RAB10: variants seen among roughly 807,000 people sequenced by gnomAD.
RAB10 encodes the protein ras-related protein Rab-10.
In RAB10, 5 loss-of-function variants were observed where a neutral mutation model predicts 25.7. The observed-to-expected ratio is 0.19, with a 90% CI of 0.10 to 0.41. RAB10 has a LOEUF of 0.41. RAB10 is among the 10% of genes least tolerant of loss of function. The probability of loss-of-function intolerance (pLI) is 1.00; values close to 1 mark genes in which losing one functional copy is unlikely to be tolerated. For missense variants in RAB10, 103 were observed against 245.8 expected (o/e 0.42, Z 3.89); for synonymous variants, 89 against 86.4 (o/e 1.03, Z -0.16).
intron 2 of RAB10, chr2:26,101,872 C>T (rs1385724733): frequency 6.6e-6 from 1 of 152,288 alleles, no homozygotes; most frequent in African/African-American, 2.4e-5. Context: ...AAAACCTCAT[C>T]TTTGAGGACA....
chr2:26,058,326 T>G (rs1241249670), intron 1 of RAB10, among the ~76,000 whole-genome samples: 2 of 152,220 alleles, frequency 1.3e-5, no homozygotes, highest in African/African-American at 2.4e-5. Flanking sequence ...AATTCATATA[T>G]GTCACTCTTC....
chr2:26,061,092 C>CTTTTTTTTTTTTTTTTTTTTTTTTTT (rs5829993), intron 1 of RAB10, among the ~76,000 whole-genome samples: 21 of 83,642 alleles, frequency 2.5e-4, no homozygotes, highest in Non-Finnish European at 2.8e-4. Context: ...TTATCTCTGT[C>CTTTTTTTTTTTTTTTTTTTTTTTTTT]TTTTTTTTTT....
At chr2:26,041,554 AAAAAAAAAAAAAG>A (rs1464759830) in intron 1 of RAB10, among the ~76,000 whole-genome samples, 2 of 150,602 alleles carry the variant, frequency 1.3e-5, no homozygotes, top group African/African-American at 2.4e-5. Flanking sequence ...AAAAAAAAAA[AAAAAAAAAAAAAG>A]AATGTTAGCT....
At chr2:26,061,308 G>A (rs1280254895) in intron 1 of RAB10, among the ~76,000 whole-genome samples, 1 of 151,698 alleles carries the variant, frequency 6.6e-6, no homozygotes, top group African/African-American at 2.4e-5. Context: ...ATAGAGACGG[G>A]ATTTTGCCAT....
At position 26,070,737 on chromosome 2, in the gene RAB10, G is replaced by A. The variant is rs189715442; in HGVS notation, c.128-27925G>A. Among the ~76,000 whole-genome samples, 24 of 152,192 alleles carry A rather than the reference G, an allele frequency of 1.6e-4. No homozygotes were observed. The East Asian group carries it at 3.3e-3, about 21-fold the overall frequency. Reference sequence around the variant, plus strand: ...TAAATTTTCTTACAGTTTAAAAAATGTCTTTTAAGATTATTGCAAGGAGCA... The same window carrying A: ...TAAATTTTCTTACAGTTTAAAAAATATCTTTTAAGATTATTGCAAGGAGCA... On this transcript the variant is annotated intron_variant, in intron 1 of 5. Coordinates refer to ENST00000264710, the MANE Select transcript of RAB10 (RefSeq NM_016131.5).
intron 1 of RAB10, among the ~76,000 whole-genome samples, chr2:26,076,811 G>C (rs1183116595): frequency 6.6e-6 from 1 of 151,920 alleles, no homozygotes; most frequent in Non-Finnish European, 1.5e-5. Flanking sequence ...GGGCGTGGTG[G>C]CAGGCGCCTG....
In RAB10 at chr2:26,090,560, A is replaced by G. The variant is rs145551573; in HGVS notation, c.128-8102A>G. Among the ~76,000 whole-genome samples, 19 of 149,342 alleles carry G rather than the reference A, an allele frequency of 1.3e-4. No individual in the cohort carries two copies. In the East Asian group the frequency reaches 3.5e-3, roughly 28 times the overall value. On this transcript the variant is annotated intron_variant, in intron 1 of 5. Coordinates refer to ENST00000264710, the MANE Select transcript of RAB10 (RefSeq NM_016131.5). ...CTCTGTTCTTTTTCAAACTTCTGTT[A>G]GATGTCAGACCTCTTGGTTTGCTTT...
chr2:26,117,637 A>AAAAAAAAAAAAAAAAAAC (rs1559597816), intron 3 of RAB10, among the ~76,000 whole-genome samples: 2 of 138,136 alleles, frequency 1.4e-5, no homozygotes, highest in Non-Finnish European at 1.6e-5. Context: ...AAAAAAAAAC[A>AAAAAAAAAAAAAAAAAAC]AAAAAAACAA....
intron 1 of RAB10, among the ~76,000 whole-genome samples, chr2:26,084,980 C>A (rs757148648): frequency 6.6e-6 from 1 of 152,108 alleles, no homozygotes; most frequent in Non-Finnish European, 1.5e-5. Context: ...CTTGTATTAT[C>A]CCCAGTTACA....
intron 1 of RAB10, among the ~76,000 whole-genome samples, chr2:26,050,189 G>T (rs1232878607): frequency 6.6e-6 from 1 of 152,140 alleles, no homozygotes; most frequent in African/African-American, 2.4e-5. Flanking sequence ...ATTTTTTGAG[G>T]CTTTCCATGT....
At chr2:26,091,173 G>A (rs1667099335) in intron 1 of RAB10, among the ~76,000 whole-genome samples, 1 of 152,054 alleles carries the variant, frequency 6.6e-6, no homozygotes, top group Non-Finnish European at 1.5e-5. Context: ...TCTAGGTATG[G>A]GGAATTTAAC....
At chr2:26,055,255 T>C (rs1559579840) in intron 1 of RAB10, among the ~76,000 whole-genome samples, 2 of 152,196 alleles carry the variant, frequency 1.3e-5, no homozygotes, top group Non-Finnish European at 2.9e-5. Flanking sequence ...AGTTAGAATA[T>C]GATTCTCAGT....
intron 2 of RAB10, among the ~76,000 whole-genome samples, chr2:26,108,776 A>G (rs1306300258): frequency 6.6e-6 from 1 of 152,150 alleles, no homozygotes; most frequent in Non-Finnish European, 1.5e-5. Context: ...AACTTCCTGT[A>G]AGGCTGTAAT....
At chr2:26,046,306 CAA>C (rs1324600845) in intron 1 of RAB10, among the ~76,000 whole-genome samples, 3 of 143,424 alleles carry the variant, frequency 2.1e-5, no homozygotes, top group East Asian at 4.0e-4. Context: ...GCCTAGGCAA[CAA>C]GAGTGAAACT....
In RAB10 at chr2:26,034,802, C is replaced by T. The variant is rs548733269; in HGVS notation, c.127+67C>T. ...ATACCGTTTATTTTACTCCAGACAT[C>T]TTGCTTCCCGTAATATACGCCTTTG... On this transcript the variant is annotated intron_variant, in intron 1 of 5. Coordinates refer to ENST00000264710, the MANE Select transcript of RAB10 (RefSeq NM_016131.5). The T allele has an allele frequency of 1.0e-5, 16 of 1,584,040 alleles. No homozygotes were observed. The Admixed American group carries it at 1.9e-4, about 19-fold the overall frequency.
rs1666770665 is a variant in RAB10, at chr2:26,077,807, GTC to G, written c.128-20851_128-20850del. Among the ~76,000 whole-genome samples, 4 of 151,914 alleles carry G rather than the reference GTC, an allele frequency of 2.6e-5. No individual in the cohort carries two copies. In the South Asian group the frequency reaches 8.3e-4, roughly 32 times the overall value. ...ATTCTGGCTAACACAGTGAAACTCC[GTC>G]TCTGTTAAAAATACAAAAAATTAGT... On this transcript the variant is annotated intron_variant, in intron 1 of 5. Transcript: ENST00000264710.
Position 26,059,821 on chromosome 2 carries a change from T to G in RAB10, c.127+25086T>G, listed in dbSNP as rs76932695. On this transcript the variant is annotated intron_variant, in intron 1 of 5. Coordinates refer to ENST00000264710, the MANE Select transcript of RAB10 (RefSeq NM_016131.5). The stretch of plus-strand genomic sequence containing the variant: ...GTTTCATTCTGCAAGATGAAAAAGT[T>G]CTGGAGATACGTTTCACAACACTGA... Among the ~76,000 whole-genome samples the G allele has an allele frequency of 4.2e-3, 635 of 152,338 alleles. 4 individuals are homozygous for G. The highest frequency in any genetic ancestry group is 0.014 in the African/African-American group (593 of 41,574).
chr2:26,050,664 G>T (rs1355963525), intron 1 of RAB10, among the ~76,000 whole-genome samples: 3 of 151,928 alleles, frequency 2.0e-5, no homozygotes, highest in Non-Finnish European at 4.4e-5. Flanking sequence ...TGGAGACAGG[G>T]TTTCACTCTG....
At chr2:26,085,944 A>C (rs969654342) in intron 1 of RAB10, among the ~76,000 whole-genome samples, 6 of 133,650 alleles carry the variant, frequency 4.5e-5, no homozygotes, top group African/African-American at 1.7e-4. Flanking sequence ...GGTTTCAGTG[A>C]GCTGAGATCA....
Sources: allele counts gnomAD v4.1 joint callset (sites outside exome capture counted in the v4.1 genomes callset), GRCh38; gene constraint gnomAD v4.1.1; transcripts MANE v1.5; gene names NCBI Gene and HGNC (gene_info 2026-07-23, HGNC 2026-07-21).